Variants in KCNK12 observed in about 807,000 individuals in gnomAD.
KCNK12 encodes the protein potassium channel subfamily K member 12.
KCNK12 carries 6 observed loss-of-function variants against 25.3 expected under a neutral mutation model. The observed-to-expected ratio is 0.24, with a 90% CI of 0.13 to 0.47. The LOEUF is 0.47. Among genes scored for constraint, KCNK12 ranks in the 20% least tolerant of loss-of-function variants. The pLI, the probability that KCNK12 is intolerant of heterozygous loss-of-function variation, is 0.99. For missense variants in KCNK12, 444 were observed against 661.7 expected, an observed-to-expected ratio of 0.67 and a Z score of 3.61; for synonymous variants, 331 against 311.1, an observed-to-expected ratio of 1.06 and a Z score of -0.67.
rs1040145597 is a variant in KCNK12, at chr2:47,525,567, C to G, written c.392-3759G>C. 1.3e-5 allele frequency among the ~76,000 whole-genome samples: 2 copies of G among 152,156 alleles called. No individual in the cohort carries two copies. The highest frequency in any genetic ancestry group is 4.8e-5 in the African/African-American group (2 of 41,432). ...GGAAGAGGGCAGTCCCAGGGGCCAT[C>G]TGTACTTCAAGGGCTTGCTTCATCA... On this transcript the variant is annotated intron_variant, in intron 1 of 1. Transcript: ENST00000327876. This position sits in a 1 kb window ranked among gnomAD's most constrained non-coding sequence, Gnocchi z 4.1.
rs985721319 is a variant in KCNK12, at chr2:47,512,030, G to C, written c.*8877C>G. Among the ~76,000 whole-genome samples the C allele has an allele frequency of 6.6e-6, 1 of 152,160 alleles. No homozygotes were observed. Among genetic ancestry groups the C allele is most frequent in the South Asian group, 2.1e-4 (1 of 4,828 alleles). ...TGGGGAAGCAGAAACAAATGAAAAC[G>C]AGGATCTGGAGCTCATGAAGTTTCT... is the stretch of plus-strand genomic sequence containing the variant. On this transcript the variant is annotated 3_prime_UTR_variant, in exon 2 of 2. Coordinates refer to ENST00000327876, the MANE Select transcript of KCNK12 (RefSeq NM_022055.2).
At chr2:47,532,064 A>C (rs922434518) in intron 1 of KCNK12, among the ~76,000 whole-genome samples, 1 of 152,086 alleles carries the variant, frequency 6.6e-6, no homozygotes, top group East Asian at 1.9e-4. Flanking sequence ...ACCCCCAAAA[A>C]CAAAAAACAA....
In KCNK12 at chr2:47,537,718, C is replaced by T. The variant is rs72890160; in HGVS notation, c.392-15910G>A. ...ATAGGATAGTTGCTACTTTTGAAAC[C>T]GTAAGTTCACTCCCAACAAGCACTG... On this transcript the variant is annotated intron_variant, in intron 1 of 1. Transcript: ENST00000327876. Among the ~76,000 whole-genome samples, 251 of 152,150 alleles carry T rather than the reference C, an allele frequency of 1.6e-3. 1 individual carries two copies. The highest frequency in any genetic ancestry group is 5.7e-3 in the African/African-American group (236 of 41,482).
Position 47,562,070 on chromosome 2 carries a change from G to A in KCNK12, c.391+7871C>T, listed in dbSNP as rs1160589023. 1.8e-5 allele frequency: 7 copies of A among 398,480 alleles called. No homozygotes were observed. The East Asian group carries it at 1.8e-4, about 10-fold the overall frequency. 24.7% of individuals were successfully genotyped at this position (398,480 alleles called of 1,614,324 possible). ...CTAGACTCCTAGTGCCTGACTCACC[G>A]CTGTTCTCTCTACCCTAGCGACTCC... On this transcript the variant is annotated intron_variant, in intron 1 of 1. Coordinates refer to ENST00000327876, the MANE Select transcript of KCNK12 (RefSeq NM_022055.2). The surrounding 1 kb of genome is among the most constrained non-coding windows in gnomAD (Gnocchi z 4.8).
rs1483668249 is a variant in KCNK12 at position 47,547,077 on chromosome 2, T to C, written c.391+22864A>G. Among the ~76,000 whole-genome samples, 1 of 152,130 alleles carries C rather than the reference T, an allele frequency of 6.6e-6. No homozygotes were observed. Among genetic ancestry groups the C allele is most frequent in the East Asian group, 1.9e-4 (1 of 5,196 alleles). On this transcript the variant is annotated intron_variant, in intron 1 of 1. Coordinates refer to ENST00000327876, the MANE Select transcript of KCNK12 (RefSeq NM_022055.2). The surrounding 1 kb of genome is among the most constrained non-coding windows in gnomAD (Gnocchi z 5.0). Reference sequence around the variant, plus strand: ...TATGCACACTGAGTTTCCAGTCCAATTTTCTATTTTTAATTCTTAAATGTG... The same window carrying C: ...TATGCACACTGAGTTTCCAGTCCAACTTTCTATTTTTAATTCTTAAATGTG...
Position 47,514,692 on chromosome 2 carries a change from C to T in KCNK12, c.*6215G>A, listed in dbSNP as rs573086118. On this transcript the variant is annotated 3_prime_UTR_variant, in exon 2 of 2. Transcript: ENST00000327876. The surrounding 1 kb of genome is among the most constrained non-coding windows in gnomAD (Gnocchi z 5.0). The stretch of plus-strand genomic sequence containing the variant: ...GTGGCATGATCATGGCTCAATGAAA[C>T]ATCGACTTCCTGGGCTCAGGCGATC... Among the ~76,000 whole-genome samples, 14 of 151,576 alleles carry T rather than the reference C, an allele frequency of 9.2e-5. No homozygotes were observed. The highest frequency in any genetic ancestry group is 3.4e-4 in the African/African-American group (14 of 41,322).
rs577861528 is a variant in KCNK12, at chr2:47,538,016, C to T, written c.392-16208G>A. 3.3e-5 allele frequency among the ~76,000 whole-genome samples: 5 copies of T among 152,190 alleles called. No individual in the cohort carries two copies. In the East Asian group the frequency reaches 7.7e-4, roughly 24 times the overall value. On this transcript the variant is annotated intron_variant, in intron 1 of 1. Coordinates refer to ENST00000327876, the MANE Select transcript of KCNK12 (RefSeq NM_022055.2). The surrounding 1 kb of genome is among the most constrained non-coding windows in gnomAD (Gnocchi z 4.5). Reference sequence around the variant, plus strand: ...TGTGGATAAGACTTTCCAGGGAGCACGTGTGGTATGAGAATGAAGGCCCCT... The same window carrying T: ...TGTGGATAAGACTTTCCAGGGAGCATGTGTGGTATGAGAATGAAGGCCCCT...
chr2:47,540,843 C>T lies in KCNK12; in HGVS notation c.392-19035G>A, dbSNP rs1183975989. Among the ~76,000 whole-genome samples the T allele has an allele frequency of 6.6e-6, 1 of 152,126 alleles. No homozygotes were observed. Among genetic ancestry groups the T allele is most frequent in the Non-Finnish European group, 1.5e-5 (1 of 68,020 alleles). On this transcript the variant is annotated intron_variant, in intron 1 of 1. Coordinates refer to ENST00000327876, the MANE Select transcript of KCNK12 (RefSeq NM_022055.2). This position sits in a 1 kb window ranked among gnomAD's most constrained non-coding sequence, Gnocchi z 5.4. The stretch of plus-strand genomic sequence containing the variant: ...GCTCACACCTGTAGTTCCAGCTACT[C>T]AGGAGGCTGAGGCAGGATTGTTTGA...
In KCNK12 at chr2:47,509,628, A is replaced by C. The variant is rs1668352028; in HGVS notation, c.*11279T>G. 6.6e-6 allele frequency among the ~76,000 whole-genome samples: 1 copy of C among 152,248 alleles called. No homozygotes were observed. Among genetic ancestry groups the C allele is most frequent in the Non-Finnish European group, 1.5e-5 (1 of 68,040 alleles). Reference sequence around the variant, plus strand: ...TGCTGGAGTCACGATTCTGTCACCCAGTCAGGTCATCAGTGTCAGAGAGCT... The same window carrying C: ...TGCTGGAGTCACGATTCTGTCACCCCGTCAGGTCATCAGTGTCAGAGAGCT... On this transcript the variant is annotated 3_prime_UTR_variant, in exon 2 of 2. Coordinates refer to ENST00000327876, the MANE Select transcript of KCNK12 (RefSeq NM_022055.2).
At chr2:47,523,860 C>T (rs994065642) in intron 1 of KCNK12, among the ~76,000 whole-genome samples, 1 of 152,254 alleles carries the variant, frequency 6.6e-6, no homozygotes, top group Non-Finnish European at 1.5e-5. Context: ...TACCTGTGCT[C>T]TGCCAGTGGG....
rs59132408 is a variant in KCNK12, at chr2:47,540,772, A to AAAACAAACAAACAAACAAAC, written c.392-18984_392-18965dup. On this transcript the variant is annotated intron_variant, in intron 1 of 1. Coordinates refer to ENST00000327876, the MANE Select transcript of KCNK12 (RefSeq NM_022055.2). This position sits in a 1 kb window ranked among gnomAD's most constrained non-coding sequence, Gnocchi z 5.4. Reference sequence around the variant, plus strand: ...GAGACTCCATCCCTAGAAACAATTAAAAACAAACAAACAAACAAACAAACA... The same window carrying AAAACAAACAAACAAACAAAC: ...GAGACTCCATCCCTAGAAACAATTAAAAACAAACAAACAAACAAACAAACAAACAAACAAACAAACAAACA... Among the ~76,000 whole-genome samples the AAAACAAACAAACAAACAAAC allele has an allele frequency of 5.2e-4, 78 of 150,056 alleles. No individual in the cohort carries two copies. The highest frequency in any genetic ancestry group is 3.0e-3 in the Admixed American group (46 of 15,108).
chr2:47,522,326 T>G (rs375121434), intron 1 of KCNK12, among the ~76,000 whole-genome samples: 1 of 152,216 alleles, frequency 6.6e-6, no homozygotes, highest in Non-Finnish European at 1.5e-5. Context: ...TTCAAAGATA[T>G]CTAGCTTCTT....
In KCNK12 at chr2:47,535,827, C is replaced by G. The variant is rs1669055422; in HGVS notation, c.392-14019G>C. On this transcript the variant is annotated intron_variant, in intron 1 of 1. Coordinates refer to ENST00000327876, the MANE Select transcript of KCNK12 (RefSeq NM_022055.2). ...TACTGCGCCAGGGTACTTGCTGTGG[C>G]CAAAACGCCTGCCCTGGATCTGTGG... Among the ~76,000 whole-genome samples the G allele has an allele frequency of 3.3e-5, 5 of 152,234 alleles. No homozygotes were observed. In the South Asian group the frequency reaches 1.0e-3, roughly 32 times the overall value.
In KCNK12 at chr2:47,509,949, A is replaced by G. The variant is rs2104648684; in HGVS notation, c.*10958T>C. On this transcript the variant is annotated 3_prime_UTR_variant, in exon 2 of 2. Coordinates refer to ENST00000327876, the MANE Select transcript of KCNK12 (RefSeq NM_022055.2). ...GGCAGCAGGAACTGTAGGCATTCTC[A>G]CTTCACACCCATCCCAATCCCCTCC... 6.6e-6 allele frequency: 1 copy of G among 152,226 alleles called. No individual in the cohort carries two copies. Among genetic ancestry groups the G allele is most frequent in the South Asian group, 2.1e-4 (1 of 4,804 alleles). The allele number at this position is 152,226 out of a possible 1,614,324, so 9.4% of individuals were successfully genotyped here. A position where few individuals can be genotyped will look rare whatever the true frequency, so the allele number is the denominator to read the frequency against.
rs117831108 is a variant in KCNK12, at chr2:47,525,450, G to A, written c.392-3642C>T. On this transcript the variant is annotated intron_variant, in intron 1 of 1. Coordinates refer to ENST00000327876, the MANE Select transcript of KCNK12 (RefSeq NM_022055.2). This position sits in a 1 kb window ranked among gnomAD's most constrained non-coding sequence, Gnocchi z 4.1. The stretch of plus-strand genomic sequence containing the variant: ...AGAGTGGAGCATGGTGAGGGTTCTG[G>A]GAGAACCCGGCAGTGTCCCCTGGAG... Among the ~76,000 whole-genome samples, 178 of 152,328 alleles carry A rather than the reference G, an allele frequency of 1.2e-3. 2 individuals carry two copies. The East Asian group carries it at 0.03, about 26-fold the overall frequency.
rs1192268921 is a variant in KCNK12, at chr2:47,528,090, C to T, written c.392-6282G>A. On this transcript the variant is annotated intron_variant, in intron 1 of 1. Coordinates refer to ENST00000327876, the MANE Select transcript of KCNK12 (RefSeq NM_022055.2). The surrounding 1 kb of genome is among the most constrained non-coding windows in gnomAD (Gnocchi z 4.5). ...CTTCTTACGGCCCTGGTTCAGCTTGCATTCAGCATAACAACTTAGCTAGGG... is the reference window on the plus strand; with the variant it reads ...CTTCTTACGGCCCTGGTTCAGCTTGTATTCAGCATAACAACTTAGCTAGGG... 6.6e-6 allele frequency among the ~76,000 whole-genome samples: 1 copy of T among 152,190 alleles called. No homozygotes were observed. The highest frequency in any genetic ancestry group is 1.5e-5 in the Non-Finnish European group (1 of 68,028).
In KCNK12 at chr2:47,509,566, AG is replaced by A. The variant is rs1386982964; in HGVS notation, c.*11340del. On this transcript the variant is annotated 3_prime_UTR_variant, in exon 2 of 2. Transcript: ENST00000327876. ...TTGTGGTGTCCAGGTGTCTCTCCTT[AG>A]CACATAAGACCCTGTCCGAGGACTG... Among the ~76,000 whole-genome samples the A allele has an allele frequency of 6.6e-6, 1 of 152,222 alleles. No homozygotes were observed. Among genetic ancestry groups the A allele is most frequent in the Non-Finnish European group, 1.5e-5 (1 of 68,046 alleles).
intron 1 of KCNK12, among the ~76,000 whole-genome samples, chr2:47,541,115 T>C (rs924600961): frequency 6.6e-6 from 1 of 152,210 alleles, no homozygotes; most frequent in African/African-American, 2.4e-5. Context: ...ACCGTGGCCA[T>C]TCATTGCTGT....
At chr2:47,537,893 A>G (rs888432564) in intron 1 of KCNK12, among the ~76,000 whole-genome samples, 1 of 152,216 alleles carries the variant, frequency 6.6e-6, no homozygotes, top group Non-Finnish European at 1.5e-5. Flanking sequence ...AGCAGGTGCC[A>G]TTGGAACTGA....
Sources: allele counts gnomAD v4.1 joint callset (sites outside exome capture counted in the v4.1 genomes callset), GRCh38; gene constraint gnomAD v4.1.1; non-coding constraint Gnocchi (gnomAD v3.1); transcripts MANE v1.5; gene names NCBI Gene and HGNC (gene_info 2026-07-23, HGNC 2026-07-21).